TAFA1: variants seen among roughly 807,000 people sequenced by gnomAD.
The protein encoded by TAFA1 is TAFA chemokine like family member 1, also known as chemokine-like protein TAFA-1.
TAFA1 carries 4 observed loss-of-function variants against 18.5 expected under a neutral mutation model. The ratio of observed to expected loss-of-function variants is 0.22; its 90% CI spans 0.11 to 0.49. The LOEUF (loss-of-function observed/expected upper bound fraction) is 0.49. Among genes scored for constraint, TAFA1 ranks in the 20% least tolerant of loss-of-function variants. The pLI, the probability that TAFA1 is intolerant of heterozygous loss-of-function variation, is 0.98. For synonymous variants in TAFA1, 56 were observed against 55.2 expected (o/e 1.01, Z -0.06); for missense variants, 147 against 169.0 (o/e 0.87, Z 0.72).
In TAFA1 at chr3:68,174,965, C is replaced by T. The variant is rs370418430; in HGVS notation, c.118+168221C>T. Among the ~76,000 whole-genome samples the T allele has an allele frequency of 4.3e-3, 654 of 152,276 alleles. 6 individuals are homozygous for T. Among genetic ancestry groups the T allele is most frequent in the African/African-American group, 0.014 (601 of 41,562 alleles). On this transcript the variant is annotated intron_variant, in intron 2 of 4. Transcript: ENST00000478136. Reference sequence around the variant, plus strand: ...CTGTGTGCAGCCTAGGGACTTGGTGCCCTGCAGCCCAGCTGCTCCAGCCAT... The same window carrying T: ...CTGTGTGCAGCCTAGGGACTTGGTGTCCTGCAGCCCAGCTGCTCCAGCCAT...
chr3:68,267,624 C>G (rs192438543), intron 2 of TAFA1, among the ~76,000 whole-genome samples: 1 of 151,924 alleles, frequency 6.6e-6, no homozygotes, highest in East Asian at 1.9e-4. Flanking sequence ...GTTGATATTT[C>G]TCTACGTCTT....
chr3:68,526,826 A>G (rs1188329345), intron 3 of TAFA1, among the ~76,000 whole-genome samples: 1 of 152,152 alleles, frequency 6.6e-6, no homozygotes, highest in Non-Finnish European at 1.5e-5. Context: ...TATGCTTTAA[A>G]TGTTAGAAAA....
At chr3:68,313,766 C>T (rs2068561277) in intron 2 of TAFA1, among the ~76,000 whole-genome samples, 1 of 152,158 alleles carries the variant, frequency 6.6e-6, no homozygotes, top group African/African-American at 2.4e-5. Flanking sequence ...GTGTTGTTTG[C>T]CTAAATCAAT....
In TAFA1 at chr3:68,180,355, T is replaced by C. The variant is rs140770567; in HGVS notation, c.118+173611T>C. Among the ~76,000 whole-genome samples, 449 of 152,140 alleles carry C rather than the reference T, an allele frequency of 3.0e-3. 1 individual carries two copies. The highest frequency in any genetic ancestry group is 8.3e-3 in the Admixed American group (127 of 15,260). ...ACATCCAGCCTATTTTATTTATATA[T>C]GTCAGACTCATGTTGAGCTGGGTTT... is the stretch of plus-strand genomic sequence containing the variant. On this transcript the variant is annotated intron_variant, in intron 2 of 4. Coordinates refer to ENST00000478136, the MANE Select transcript of TAFA1 (RefSeq NM_213609.4).
intron 2 of TAFA1, among the ~76,000 whole-genome samples, chr3:68,036,558 G>A (rs1044239569): frequency 1.3e-5 from 2 of 151,824 alleles, no homozygotes; most frequent in Admixed American, 6.6e-5. Flanking sequence ...GCCTAAAGTC[G>A]TAGAGCCTGT....
chr3:68,246,483 G>A (rs950023170), intron 2 of TAFA1, among the ~76,000 whole-genome samples: 1 of 150,582 alleles, frequency 6.6e-6, no homozygotes, highest in Non-Finnish European at 1.5e-5. Flanking sequence ...CCAGCTACTC[G>A]GAAGGCTGAG....
At chr3:68,138,883 A>C (rs147149772) in intron 2 of TAFA1, among the ~76,000 whole-genome samples, 2 of 152,114 alleles carry the variant, frequency 1.3e-5, no homozygotes, top group African/African-American at 4.8e-5. Flanking sequence ...TTCAGGGTAG[A>C]GTTAGGATAT....
intron 3 of TAFA1, among the ~76,000 whole-genome samples, chr3:68,426,598 T>C (rs2071058907): frequency 6.6e-6 from 1 of 151,864 alleles, no homozygotes; most frequent in African/African-American, 2.4e-5. Flanking sequence ...ATGAAAAGTT[T>C]GGTAATATCC....
At chr3:68,361,072 G>C (rs2069458523) in intron 2 of TAFA1, among the ~76,000 whole-genome samples, 1 of 151,944 alleles carries the variant, frequency 6.6e-6, no homozygotes. Flanking sequence ...CCTCACACTG[G>C]CCTTCAAGTA....
At chr3:68,332,989 A>G (rs1280726831) in intron 2 of TAFA1, among the ~76,000 whole-genome samples, 1 of 152,232 alleles carries the variant, frequency 6.6e-6, no homozygotes, top group Non-Finnish European at 1.5e-5. Flanking sequence ...TATTCCTAAA[A>G]AGTCAAAAAA....
At chr3:68,403,199 G>C (rs2070532025) in intron 2 of TAFA1, among the ~76,000 whole-genome samples, 2 of 152,162 alleles carry the variant, frequency 1.3e-5, no homozygotes, top group South Asian at 4.2e-4. Flanking sequence ...GTTTGTGTAA[G>C]TGTCCTCTAT....
chr3:68,074,311 G>T (rs375174531), intron 2 of TAFA1, among the ~76,000 whole-genome samples: 1 of 152,100 alleles, frequency 6.6e-6, no homozygotes, highest in African/African-American at 2.4e-5. Flanking sequence ...CTACTGTGTG[G>T]TCCAGTTCCT....
intron 2 of TAFA1, among the ~76,000 whole-genome samples, chr3:68,084,596 G>C (rs750365430): frequency 6.6e-6 from 1 of 152,256 alleles, no homozygotes; most frequent in East Asian, 1.9e-4. Context: ...TCAGGAGTTT[G>C]AGACCAGCCT....
At chr3:68,253,239 T>C (rs1268089501) in intron 2 of TAFA1, among the ~76,000 whole-genome samples, 2 of 152,314 alleles carry the variant, frequency 1.3e-5, no homozygotes, top group East Asian at 3.9e-4. Flanking sequence ...GGTTACCTTT[T>C]GAGGTTGCTG....
chr3:68,395,649 C>T (rs985775783), intron 2 of TAFA1, among the ~76,000 whole-genome samples: 3 of 152,154 alleles, frequency 2.0e-5, no homozygotes, highest in Non-Finnish European at 2.9e-5. Flanking sequence ...AGTTTATGTC[C>T]TTTGCAGGGA....
At chr3:68,459,044 A>G (rs985446235) in intron 3 of TAFA1, among the ~76,000 whole-genome samples, 1 of 152,188 alleles carries the variant, frequency 6.6e-6, no homozygotes, top group African/African-American at 2.4e-5. Context: ...TTGTTCTCAC[A>G]GCGAGAATTC....
intron 2 of TAFA1, among the ~76,000 whole-genome samples, chr3:68,326,170 A>G (rs1007145909): frequency 2.0e-5 from 3 of 152,272 alleles, no homozygotes; most frequent in Non-Finnish European, 4.4e-5. Flanking sequence ...TCTTATTTTT[A>G]CTTGACAAAC....
At chr3:68,272,430 G>A (rs190448643) in intron 2 of TAFA1, among the ~76,000 whole-genome samples, 5 of 152,134 alleles carry the variant, frequency 3.3e-5, no homozygotes, top group South Asian at 2.1e-4. Context: ...GATAAAACAC[G>A]TAACATGGGG....
chr3:68,116,548 A>G (rs1249782408), intron 2 of TAFA1, among the ~76,000 whole-genome samples: 2 of 152,228 alleles, frequency 1.3e-5, no homozygotes, highest in African/African-American at 4.8e-5. Flanking sequence ...ATAGTTATAG[A>G]AACAAAGGTT....
Sources: allele counts gnomAD v4.1 joint callset (sites outside exome capture counted in the v4.1 genomes callset), GRCh38; gene constraint gnomAD v4.1.1; transcripts MANE v1.5; gene names NCBI Gene and HGNC (gene_info 2026-07-23, HGNC 2026-07-21).